Variants in HECTD4 observed in about 807,000 individuals in gnomAD.
HECTD4 encodes probable E3 ubiquitin-protein ligase HECTD4.
HECTD4 carries 114 observed loss-of-function variants against 471.5 expected under a neutral mutation model. That is an observed-to-expected ratio of 0.24 (90% CI 0.21 to 0.28). HECTD4 has a LOEUF of 0.28. Ranked by LOEUF, HECTD4 falls within the 10% of genes least tolerant of loss-of-function variation. The pLI is 1.00. For synonymous variants in HECTD4, 2,012 were observed against 2,256.0 expected (o/e 0.89, Z 3.07); for missense variants, 3,866 against 5,651.5 (o/e 0.68, Z 10.13).
Position 112,244,023 on chromosome 12 carries a change from G to C in HECTD4, c.4514-14C>G. 6.2e-7 allele frequency: 1 copy of C among 1,612,934 alleles called. No individual in the cohort carries two copies. Among genetic ancestry groups the C allele is most frequent in the Non-Finnish European group, 8.5e-7 (1 of 1,179,538 alleles). On this transcript the variant is annotated splice_polypyrimidine_tract_variant and intron_variant, in intron 29 of 75. Coordinates refer to ENST00000682272, the MANE Select transcript of HECTD4 (RefSeq NM_001388303.1). The stretch of plus-strand genomic sequence containing the variant: ...CTGATTTACAAGCTAGAAAAAAAAG[G>C]AATAAAAAGGCTGACATTTCTGCTA...
At chr12:112,320,602 G>C (rs2035566087) in intron 1 of HECTD4, among the ~76,000 whole-genome samples, 1 of 151,918 alleles carries the variant, frequency 6.6e-6, no homozygotes, top group African/African-American at 2.4e-5. Flanking sequence ...TCAGGACCCT[G>C]AGGCAGAAGA....
chr12:112,283,363 C>T, intron 7 of HECTD4, 61 bp from the exon 8 acceptor site: 1 of 1,290,386 alleles, frequency 7.7e-7, no homozygotes. Flanking sequence ...TAGCAAATTT[C>T]TACTGAGGAT....
chr12:112,269,824 G>A lies in HECTD4; in HGVS notation c.2201C>T (p.Pro734Leu), dbSNP rs752878938. Reference sequence around the variant, plus strand: ...GATGTCTCGATTCCTTTCAGTTTGTGGGCTGAAGAAAAATTTAAATACCAC... The same window carrying A: ...GATGTCTCGATTCCTTTCAGTTTGTAGGCTGAAGAAAAATTTAAATACCAC... ...FQVVFKFFFS[P>L]QTERNRDIIR... The change falls in exon 13 of 76, where the codon CCA (proline) becomes CTA (leucine). Residue 734 changes from proline (P) to leucine (L), a missense_variant. By Grantham distance (98) the Pro-to-Leu change is moderately conservative. Transcript: ENST00000682272. 1.9e-6 allele frequency: 3 copies of A among 1,613,810 alleles called. No individual in the cohort carries two copies. Among genetic ancestry groups the A allele is most frequent in the Non-Finnish European group, 2.5e-6 (3 of 1,179,812 alleles).
intron 62 of HECTD4, 35 bp downstream of exon 62, chr12:112,183,024 A>G: frequency 6.6e-7 from 1 of 1,518,490 alleles, no homozygotes. Flanking sequence ...TGCTCCACAA[A>G]AAGTCTACAG....
chr12:112,302,299 G>T, intron 7 of HECTD4: 2 of 783,116 alleles, frequency 2.6e-6, no homozygotes, highest in Non-Finnish European at 4.6e-6. Context: ...CGCCCCCTTT[G>T]CCAGCAGCTT....
At chr12:112,189,508 G>A (rs867313864) in intron 60 of HECTD4, among the ~76,000 whole-genome samples, 3 of 130,644 alleles carry the variant, frequency 2.3e-5, no homozygotes, top group African/African-American at 5.9e-5. Flanking sequence ...CTAAGATGGC[G>A]CTACTGCACT....
chr12:112,311,250 G>A (rs1291570547), intron 4 of HECTD4, among the ~76,000 whole-genome samples: 2 of 150,084 alleles, frequency 1.3e-5, no homozygotes, highest in Non-Finnish European at 3.0e-5. Flanking sequence ...CGACAAGAGC[G>A]AAGCTCTGTC....
At chr12:112,272,582 T>C (rs956106861) in intron 11 of HECTD4, among the ~76,000 whole-genome samples, 2 of 152,228 alleles carry the variant, frequency 1.3e-5, no homozygotes, top group Non-Finnish European at 2.9e-5. Context: ...CATCTTTGCA[T>C]GTGTATGCAG....
intron 72 of HECTD4, among the ~76,000 whole-genome samples, chr12:112,164,707 C>A (rs572503467): frequency 2.9e-4 from 44 of 151,510 alleles, no homozygotes; most frequent in Non-Finnish European, 6.0e-4. Flanking sequence ...TGCAACCCCT[C>A]GCCTCCTGGG....
intron 24 of HECTD4, 33 bp downstream of exon 24, chr12:112,250,938 G>T (rs1410859531): frequency 6.4e-7 from 1 of 1,572,726 alleles, no homozygotes; most frequent in Non-Finnish European, 8.6e-7. Context: ...TCCTTTGCAG[G>T]CAACACTAGC....
At position 112,226,700 on chromosome 12, in the gene HECTD4, G is replaced by T; in HGVS notation, c.6913C>A (p.Gln2305Lys). The change falls in exon 44 of 76, where the codon CAA (glutamine) becomes AAA (lysine). Residue 2305 changes from glutamine (Q) to lysine (K), a missense_variant. Physicochemically the swap from Gln to Lys is moderately conservative, Grantham distance 53. Transcript: ENST00000682272. ...EDSLFCEEFI[Q>K]QCPAAVEVLN... ...ACTTCAACAGCTGCTGGACATTGTT[G>T]TATGAATTCTTCACAAAATAAGCTG... is the stretch of plus-strand genomic sequence containing the variant. 1 of 1,613,158 alleles carries T rather than the reference G, an allele frequency of 6.2e-7. No individual in the cohort carries two copies. Among genetic ancestry groups the T allele is most frequent in the Non-Finnish European group, 8.5e-7 (1 of 1,179,500 alleles).
In HECTD4 at chr12:112,246,896, A is replaced by C; in HGVS notation, c.4513+5T>G. ...AGCCGATTAGGGGCTATCTTTGAGC[A>C]GTACCTGGTGTTTCAGCAGGGGTCC... On this transcript the variant is annotated splice_donor_5th_base_variant and intron_variant, in intron 29 of 75. Transcript: ENST00000682272. The C allele has an allele frequency of 6.2e-7, 1 of 1,609,008 alleles. No individual in the cohort carries two copies. The highest frequency in any genetic ancestry group is 1.7e-5 in the Admixed American group (1 of 59,064).
At chr12:112,327,271 C>A (rs965007751) in intron 1 of HECTD4, among the ~76,000 whole-genome samples, 1 of 151,988 alleles carries the variant, frequency 6.6e-6, no homozygotes. Flanking sequence ...AAGCCAAGAT[C>A]GTGCTACTGC....
At chr12:112,349,376 A>G (rs1247152087) in intron 1 of HECTD4, among the ~76,000 whole-genome samples, 2 of 144,964 alleles carry the variant, frequency 1.4e-5, no homozygotes, top group African/African-American at 5.2e-5. Flanking sequence ...CGACAGAGCA[A>G]GACTCTTGCT....
rs1208328116 is a variant in HECTD4 at position 112,381,903 on chromosome 12, G to A, written c.177+49C>T. ...GGAGGGGGCCCGACCCGGGGGTGCC[G>A]GGCGAGTGGGTCAGTCCGATGGCGG... is the stretch of plus-strand genomic sequence containing the variant. On this transcript the variant is annotated intron_variant, in intron 1 of 75. Transcript: ENST00000682272. This position sits in a 1 kb window ranked among gnomAD's most constrained non-coding sequence, Gnocchi z 4.1. The A allele has an allele frequency of 1.1e-5, 13 of 1,197,222 alleles. No homozygotes were observed. The East Asian group carries it at 1.3e-4, about 12-fold the overall frequency. The allele number at this position is 1,197,222 out of a possible 1,614,324, so 74.2% of individuals were successfully genotyped here.
At chr12:112,217,252 C>A in intron 45 of HECTD4, 57 bp from the exon 46 acceptor site, 1 of 1,409,676 alleles carries the variant, frequency 7.1e-7, no homozygotes, top group Admixed American at 3.0e-5. Flanking sequence ...TCCCTTTACT[C>A]TCTCAAAGAA....
intron 7 of HECTD4, among the ~76,000 whole-genome samples, chr12:112,290,654 C>T (rs1371533629): frequency 6.6e-6 from 1 of 150,690 alleles, no homozygotes; most frequent in Non-Finnish European, 1.5e-5. Flanking sequence ...TTGAGACCAG[C>T]CTGACCAAAA....
intron 1 of HECTD4, among the ~76,000 whole-genome samples, chr12:112,359,177 C>G (rs1015171367): frequency 6.7e-6 from 1 of 149,594 alleles, no homozygotes; most frequent in Non-Finnish European, 1.5e-5. Context: ...AGCAAGACTC[C>G]GTCTCAAAAA....
rs564822313 is a variant in HECTD4, at chr12:112,281,273, T to TTTA, written c.1528+1836_1528+1837insTAA. 1.1e-3 allele frequency among the ~76,000 whole-genome samples: 167 copies of TTTA among 147,366 alleles called. No individual in the cohort carries two copies. In the Middle Eastern group the frequency reaches 0.045, roughly 40 times the overall value. On this transcript the variant is annotated intron_variant, in intron 8 of 75. Coordinates refer to ENST00000682272, the MANE Select transcript of HECTD4 (RefSeq NM_001388303.1). ...ACATAACAAGACCTCATGTTTTTTT[T>TTTA]AAAAAAAAAAAGTACAATGAGACCA...
Sources: gnomAD v4.1 joint callset for allele counts (sites outside exome capture counted in the v4.1 genomes callset) on GRCh38, gnomAD v4.1.1 for gene constraint, Gnocchi (gnomAD v3.1) non-coding constraint, MANE v1.5 for transcripts, NCBI Gene and HGNC (gene_info 2026-07-23, HGNC 2026-07-21) for gene names.